The following KANSL3 variants were observed in gnomAD, a reference collection of about 807,000 sequenced individuals.
KANSL3 encodes the protein KAT8 regulatory NSL complex subunit 3.
Under a neutral mutation model 89.2 loss-of-function variants are expected in KANSL3, and 16 were observed. The ratio of observed to expected loss-of-function variants is 0.18; its 90% CI spans 0.12 to 0.27. The LOEUF (loss-of-function observed/expected upper bound fraction) is 0.27. KANSL3 is among the 10% of genes least tolerant of loss of function. The pLI, the probability that KANSL3 is intolerant of heterozygous loss-of-function variation, is 1.00. For synonymous variants in KANSL3, 385 were observed against 419.7 expected (o/e 0.92, Z 1.01); for missense variants, 879 against 1,110.6 (o/e 0.79, Z 2.96).
chr2:96,609,318 G>A (rs532835186), intron 12 of KANSL3, among the ~76,000 whole-genome samples, 181 bp downstream of exon 12: 3 of 152,252 alleles, frequency 2.0e-5, no homozygotes, highest in South Asian at 2.1e-4. Flanking sequence ...ACTCTCCCCC[G>A]TGATGCTTTG....
intron 5 of KANSL3, among the ~76,000 whole-genome samples, chr2:96,618,931 A>T (rs1270230059): frequency 1.3e-5 from 2 of 152,262 alleles, no homozygotes; most frequent in East Asian, 3.8e-4. Flanking sequence ...CTAAAGGCTC[A>T]TGCCCTGGGG....
In KANSL3 at chr2:96,612,525, A is replaced by C; in HGVS notation, c.951T>G (p.Ser317Arg). ...CGAGACACTGTAGAACTCCTACCCC[A>C]CTGCCATTGTTCAGCAGATGGGTGG... is the stretch of plus-strand genomic sequence containing the variant. ...PVATHLLNNG[S>R]GVGVLQCLEH... Residue 317 changes from serine (S) to arginine (R), a missense_variant, in exon 8 of 21, where the codon AGT becomes AGG. Transcript: ENST00000431828. The C allele has an allele frequency of 6.2e-7, 1 of 1,613,922 alleles. No individual in the cohort carries two copies. The highest frequency in any genetic ancestry group is 8.5e-7 in the Non-Finnish European group (1 of 1,179,870).
chr2:96,607,079 C>G (rs2068089618), intron 14 of KANSL3: 1 of 1,233,498 alleles, frequency 8.1e-7, no homozygotes, highest in African/African-American at 1.5e-5. Context: ...TACAGAATCA[C>G]AGCCAGCCAG....
chr2:96,581,533 A>G, the KANSL3 span, among the ~76,000 whole-genome samples: 2 of 152,126 alleles, frequency 1.3e-5, no homozygotes, highest in African/African-American at 4.8e-5. Flanking sequence ...AAATTTACCA[A>G]TATATTTCCA....
intron 5 of KANSL3, among the ~76,000 whole-genome samples, chr2:96,617,828 C>CA (rs1238767735): frequency 3.3e-5 from 5 of 151,290 alleles, no homozygotes; most frequent in African/African-American, 1.2e-4. Flanking sequence ...ACTAAAAATA[C>CA]AAAAAAAATT....
chr2:96,605,527 G>A lies in KANSL3; in HGVS notation c.1742-16C>T. On this transcript the variant is annotated splice_polypyrimidine_tract_variant and intron_variant, in intron 14 of 20. Coordinates refer to ENST00000431828, the MANE Select transcript of KANSL3 (RefSeq NM_001115016.3). ...GAAATGGGAACTAAGACATGGAGCT[G>A]AGTTGAGATCCTCCACAATCCAAAA... 1.2e-6 allele frequency: 2 copies of A among 1,605,542 alleles called. No individual in the cohort carries two copies. The highest frequency in any genetic ancestry group is 1.1e-5 in the South Asian group (1 of 90,626).
At chr2:96,590,674 G>A (rs1394808943), downstream of KANSL3, among the ~76,000 whole-genome samples, 1 of 150,342 alleles carries the variant, frequency 6.7e-6, no homozygotes, top group Non-Finnish European at 1.5e-5. Flanking sequence ...GAAAACTCAT[G>A]TTCTCATTTT....
intron 9 of KANSL3, 85 bp downstream of exon 9, chr2:96,612,197 G>T: frequency 1.1e-6 from 1 of 937,576 alleles, no homozygotes; most frequent in Non-Finnish European, 1.8e-6. Context: ...CGCAGAGCCT[G>T]ACACACAGTA....
At chr2:96,603,002 G>C in intron 17 of KANSL3, 140 bp from the exon 18 acceptor site, 1 of 699,582 alleles carries the variant, frequency 1.4e-6, no homozygotes, top group Non-Finnish European at 2.4e-6. Context: ...AGAGAAGGCA[G>C]GAAGCTCTCC....
At chr2:96,612,422 C>T (rs971865750) in intron 8 of KANSL3, 40 bp downstream of exon 8, 16 of 1,604,008 alleles carry the variant, frequency 1.0e-5, no homozygotes, top group Middle Eastern at 1.6e-4. Flanking sequence ...CCCCAGAATG[C>T]TGGGTATGCC....
At chr2:96,600,028 TA>T (rs1466928578) in intron 20 of KANSL3, among the ~76,000 whole-genome samples, 1 of 152,144 alleles carries the variant, frequency 6.6e-6, no homozygotes, top group East Asian at 1.9e-4. Context: ...GAGCATTATT[TA>T]AAATATCAAA....
intron 20 of KANSL3, 61 bp downstream of exon 20, chr2:96,601,582 A>G (rs1474784493): frequency 6.3e-7 from 1 of 1,575,188 alleles, no homozygotes. Context: ...TCAGCCAGTC[A>G]GCTGGTCTTA....
At chr2:96,617,585 T>C (rs561291187) in intron 5 of KANSL3, among the ~76,000 whole-genome samples, 2 of 146,738 alleles carry the variant, frequency 1.4e-5, no homozygotes, top group South Asian at 2.2e-4. Context: ...TGTCAAAAAC[T>C]GAATCATGCT....
At chr2:96,612,666 G>T in intron 7 of KANSL3, 103 bp from the exon 8 acceptor site, 1 of 1,180,288 alleles carries the variant, frequency 8.5e-7, no homozygotes, top group Non-Finnish European at 1.2e-6. Flanking sequence ...CCACATGAAA[G>T]AAGGATTAGA....
intron 20 of KANSL3, among the ~76,000 whole-genome samples, chr2:96,598,680 T>A (rs757433368): frequency 2.0e-5 from 3 of 151,950 alleles, no homozygotes; most frequent in Non-Finnish European, 2.9e-5. Context: ...GAGGCCAAGG[T>A]GGGTGGATCA....
the KANSL3 span, among the ~76,000 whole-genome samples, chr2:96,582,237 A>C: frequency 1.3e-5 from 2 of 152,100 alleles, no homozygotes; most frequent in South Asian, 4.1e-4. Context: ...GTCTCCACTA[A>C]AAATACAAAA....
chr2:96,602,788 G>T lies in KANSL3; in HGVS notation c.2224C>A (p.Leu742Ile). 6 of 1,609,666 alleles carry T rather than the reference G, an allele frequency of 3.7e-6. No individual in the cohort carries two copies. Among genetic ancestry groups the T allele is most frequent in the Non-Finnish European group, 5.1e-6 (6 of 1,177,616 alleles). ...GGTCCTGGGGAGGGATTTGCTGGAA[G>T]GCCAGAGGTCTTGCTGCTGATATCC... ...LQDISSKTSG[L>I]PANPSPGPAP... Residue 742 changes from leucine to isoleucine, a missense_variant, in exon 18 of 21, where the codon CTT (leucine) becomes ATT (isoleucine). Coordinates refer to ENST00000431828, the MANE Select transcript of KANSL3 (RefSeq NM_001115016.3).
rs1335337020 is a variant in KANSL3, at chr2:96,612,848, G to C, written c.882C>G (p.Phe294Leu). 12 of 1,568,988 alleles carry C rather than the reference G, an allele frequency of 7.6e-6. No homozygotes were observed. Among genetic ancestry groups the C allele is most frequent in the Non-Finnish European group, 1.0e-5 (12 of 1,157,172 alleles). ...CCAAGCAGGACAGCTGAGATTGCCA[G>C]AAGCGGTGGCGGCGTGAAGTGGGAA... is the stretch of plus-strand genomic sequence containing the variant. ...SVFPTSRRHR[F>L]WQSQLSCLGK... The change falls in exon 7 of 21, where the codon TTC (phenylalanine) becomes TTG (leucine). Residue 294 changes from phenylalanine (F) to leucine (L), a missense_variant. Transcript: ENST00000431828.
Position 96,602,228 on chromosome 2 carries a change from A to G in KANSL3, c.2370T>C (p.Gly790=). Residue 790 remains glycine (G), a synonymous_variant, in exon 19 of 21, where the codon GGT becomes GGC. Transcript: ENST00000431828. ...IPVATTLSSL[G]ATPGGKPTAI... Reference sequence around the variant, plus strand: ...CTGTGGGCTTCCCACCAGGAGTGGCACCCAAGGAGGAGAGAGTGGTGGCCA... The same window carrying G: ...CTGTGGGCTTCCCACCAGGAGTGGCGCCCAAGGAGGAGAGAGTGGTGGCCA... The G allele has an allele frequency of 6.2e-7, 1 of 1,611,010 alleles. No individual in the cohort carries two copies. Among genetic ancestry groups the G allele is most frequent in the Non-Finnish European group, 8.5e-7 (1 of 1,178,816 alleles).
Sources: gnomAD v4.1 joint callset for allele counts (sites outside exome capture counted in the v4.1 genomes callset) on GRCh38, gnomAD v4.1.1 for gene constraint, MANE v1.5 for transcripts, NCBI Gene and HGNC (gene_info 2026-07-23, HGNC 2026-07-21) for gene names.